Variants in PLXNB1 observed in about 807,000 individuals in gnomAD.
PLXNB1 encodes plexin B1.
Under a neutral mutation model 209.4 loss-of-function variants are expected in PLXNB1, and 106 were observed. The observed-to-expected ratio is 0.51, with a 90% CI of 0.43 to 0.59. The LOEUF is 0.59. Ranked by LOEUF, PLXNB1 falls within the 20% of genes least tolerant of loss-of-function variation. PLXNB1 has a pLI of 0.00. For synonymous variants in PLXNB1, 1,167 were observed against 1,183.2 expected (o/e 0.99, Z 0.28); for missense variants, 2,357 against 2,853.2 (o/e 0.83, Z 3.96).
chr3:48,424,413 T>C lies in PLXNB1; in HGVS notation c.199A>G (p.Thr67Ala), dbSNP rs1313077440. Residue 67 changes from threonine (T) to alanine (A), a missense_variant, in exon 3 of 38, where the codon ACA (threonine) becomes GCA (alanine). Coordinates refer to ENST00000296440, the MANE Select transcript of PLXNB1 (RefSeq NM_001130082.3). Reference sequence around the variant, plus strand: ...TCTAGCACAGGGCCGGTGGACACTGTGGCCTCCAGCTGCAGCCCAGGGCTC... The same window carrying C: ...TCTAGCACAGGGCCGGTGGACACTGCGGCCTCCAGCTGCAGCCCAGGGCTC... Reference protein sequence around the residue: ...QLSPGLQLEATVSTGPVLDSR... With the variant: ...QLSPGLQLEAAVSTGPVLDSR... The C allele has an allele frequency of 6.4e-7, 1 of 1,566,884 alleles. No individual in the cohort carries two copies. Among genetic ancestry groups the C allele is most frequent in the South Asian group, 1.2e-5 (1 of 85,390 alleles).
chr3:48,428,541 T>C (rs550532467), intron 1 of PLXNB1, among the ~76,000 whole-genome samples: 3 of 152,198 alleles, frequency 2.0e-5, no homozygotes, highest in African/African-American at 7.2e-5. Flanking sequence ...ACCCCGCCAT[T>C]CCGCACCTGC....
intron 10 of PLXNB1, 61 bp from the exon 11 acceptor site, chr3:48,420,318 G>A: frequency 5.4e-6 from 5 of 922,522 alleles, no homozygotes; most frequent in Non-Finnish European, 8.3e-6. Flanking sequence ...CGGGACAGGA[G>A]GCAGGCAGGC....
Position 48,423,950 on chromosome 3 carries a change from G to A in PLXNB1, c.662C>T (p.Ala221Val), listed in dbSNP as rs1197721623. The A allele has an allele frequency of 4.3e-6, 7 of 1,613,950 alleles. No individual in the cohort carries two copies. Among genetic ancestry groups the A allele is most frequent in the East Asian group, 4.5e-5 (2 of 44,892 alleles). Residue 221 changes from alanine to valine, a missense_variant, in exon 3 of 38, where the codon GCC becomes GTC. Physicochemically the swap from Ala to Val is moderately conservative, Grantham distance 64. This residue lies in a region of PLXNB1 where 404 missense variants were observed against 443.6 expected (regional missense o/e 0.91). Coordinates refer to ENST00000296440, the MANE Select transcript of PLXNB1 (RefSeq NM_001130082.3). ...LSEYSHHFVSAFARGASAYFL... is the reference protein window; with the variant it reads ...LSEYSHHFVSVFARGASAYFL... ...GTAGGCGCTGGCCCCACGTGCAAAG[G>A]CACTCACGAAGTGGTGGCTGTACTC...
chr3:48,410,574 A>T lies in PLXNB1; in HGVS notation c.5417-16T>A, dbSNP rs1239200206. ...GACCGCCACTCTGCAAGGGCAAGGC[A>T]GAACTGGGTGCAGGGCTGGAAGATA... is the stretch of plus-strand genomic sequence containing the variant. On this transcript the variant is annotated splice_polypyrimidine_tract_variant and intron_variant, in intron 29 of 37. Coordinates refer to ENST00000296440, the MANE Select transcript of PLXNB1 (RefSeq NM_001130082.3). The surrounding 1 kb of genome is among the most constrained non-coding windows in gnomAD (Gnocchi z 6.4). The T allele has an allele frequency of 1.2e-6, 2 of 1,602,498 alleles. No individual in the cohort carries two copies. The highest frequency in any genetic ancestry group is 1.7e-6 in the Non-Finnish European group (2 of 1,170,304).
In PLXNB1 at chr3:48,421,265, TG is replaced by T; in HGVS notation, c.1772del (p.Pro591GlnfsTer18). 1 of 1,612,972 alleles carries T rather than the reference TG, an allele frequency of 6.2e-7. No individual in the cohort carries two copies. The highest frequency in any genetic ancestry group is 8.5e-7 in the Non-Finnish European group (1 of 1,179,498). ...LTGSGVMCPS[P>X]DPSEAPVLPR... ...GCAGCACTGGGGCCTCACTAGGGTC[TG>T]GGGAGGGGCACATCACACCAGAACC... On this transcript the variant is annotated frameshift_variant, in exon 8 of 38. Transcript: ENST00000296440. LOFTEE classifies it high-confidence loss of function.
intron 21 of PLXNB1, 141 bp downstream of exon 21, chr3:48,414,658 C>T (rs1048705846): frequency 1.1e-5 from 12 of 1,132,232 alleles, no homozygotes; most frequent in East Asian, 4.8e-5. Context: ...GCCCCCTCTG[C>T]CCCCACCACA....
In PLXNB1 at chr3:48,414,791, A is replaced by G. The variant is rs773215738; in HGVS notation, c.4209+8T>C. ...CGGGGCCCTGCCAGGTCCAAGTAGG[A>G]GCTGTACCTCCACGGAGAACACACT... On this transcript the variant is annotated splice_region_variant and intron_variant, in intron 21 of 37. Coordinates refer to ENST00000296440, the MANE Select transcript of PLXNB1 (RefSeq NM_001130082.3). The G allele has an allele frequency of 1.2e-6, 2 of 1,611,870 alleles. No homozygotes were observed. Among genetic ancestry groups the G allele is most frequent in the South Asian group, 2.2e-5 (2 of 91,020 alleles).
chr3:48,411,938 G>A lies in PLXNB1; in HGVS notation c.5172C>T (p.Asp1724=). The A allele has an allele frequency of 6.2e-7, 1 of 1,614,102 alleles. No homozygotes were observed. The highest frequency in any genetic ancestry group is 8.5e-7 in the Non-Finnish European group (1 of 1,179,974). ...IKHQVDKGPV[D]SVTGKAKYTL... Reference sequence around the variant, plus strand: ...TGTATTTGGCCTTGCCTGTCACACTGTCCACTGGCCCCTTATCCACTTGGT... The same window carrying A: ...TGTATTTGGCCTTGCCTGTCACACTATCCACTGGCCCCTTATCCACTTGGT... The change falls in exon 28 of 38, where the codon GAC becomes GAT. Residue 1724 remains aspartate (D), a synonymous_variant. Coordinates refer to ENST00000296440, the MANE Select transcript of PLXNB1 (RefSeq NM_001130082.3). The surrounding 1 kb of genome is among the most constrained non-coding windows in gnomAD (Gnocchi z 4.0).
At position 48,405,402 on chromosome 3, in the gene PLXNB1, C is replaced by A. The variant is rs955947253; in HGVS notation, c.6303+322G>T. On this transcript the variant is annotated intron_variant, in intron 37 of 37. Coordinates refer to ENST00000296440, the MANE Select transcript of PLXNB1 (RefSeq NM_001130082.3). The surrounding 1 kb of genome is among the most constrained non-coding windows in gnomAD (Gnocchi z 5.0). ...AGCCAGGCCTGCACTTGCATGTTGG[C>A]CGTGCCCAACATGCTGCCAACTCAG... is the stretch of plus-strand genomic sequence containing the variant. Among the ~76,000 whole-genome samples the A allele has an allele frequency of 3.3e-5, 5 of 152,160 alleles. No homozygotes were observed. Among genetic ancestry groups the A allele is most frequent in the Non-Finnish European group, 5.9e-5 (4 of 68,020 alleles).
rs2037322680 is a variant in PLXNB1, at chr3:48,406,500, G to C, written c.6228+323C>G. ...GTGAAGGGGACACCTGTGCCACCAA[G>C]GGAAGCACAGCAGTGGGAAGACGCA... On this transcript the variant is annotated intron_variant, in intron 36 of 37. Coordinates refer to ENST00000296440, the MANE Select transcript of PLXNB1 (RefSeq NM_001130082.3). The surrounding 1 kb of genome is among the most constrained non-coding windows in gnomAD (Gnocchi z 4.4). 1 of 844,388 alleles carries C rather than the reference G, an allele frequency of 1.2e-6. No homozygotes were observed. Among genetic ancestry groups the C allele is most frequent in the East Asian group, 1.2e-4 (1 of 8,128 alleles). The allele number at this position is 844,388 out of a possible 1,614,324, so 52.3% of individuals were successfully genotyped here. A position where few individuals can be genotyped will look rare whatever the true frequency, so the allele number is the denominator to read the frequency against.
At position 48,412,729 on chromosome 3, in the gene PLXNB1, C is replaced by T. The variant is rs774844881; in HGVS notation, c.4854+13G>A. The T allele has an allele frequency of 1.9e-6, 3 of 1,610,722 alleles. No homozygotes were observed. Among genetic ancestry groups the T allele is most frequent in the East Asian group, 4.5e-5 (2 of 44,818 alleles). On this transcript the variant is annotated intron_variant, in intron 25 of 37. Transcript: ENST00000296440. ...GGGCCAGGGGCAGGCCAGGAAGATG[C>T]AGCTGGGGGTACCTTGGTGAGGAAG...
At chr3:48,426,029 G>A (rs756810133) in intron 1 of PLXNB1, among the ~76,000 whole-genome samples, 6 of 151,894 alleles carry the variant, frequency 4.0e-5, no homozygotes, top group Admixed American at 2.6e-4. Flanking sequence ...ACATACACAC[G>A]CACACTCAGG....
At chr3:48,427,857 C>T (rs2038975424) in intron 1 of PLXNB1, among the ~76,000 whole-genome samples, 1 of 152,232 alleles carries the variant, frequency 6.6e-6, no homozygotes, top group Admixed American at 6.5e-5. Flanking sequence ...CTAGCCACCA[C>T]CCTGACAGGC....
Position 48,413,217 on chromosome 3 carries a change from G to A in PLXNB1, c.4536-48C>T, listed in dbSNP as rs770616308. The A allele has an allele frequency of 6.9e-5, 98 of 1,424,146 alleles. No individual in the cohort carries two copies. Among genetic ancestry groups the A allele is most frequent in the East Asian group, 5.9e-4 (26 of 44,018 alleles). The allele number at this position is 1,424,146 out of a possible 1,614,324, so 88.2% of individuals were successfully genotyped here. A position where few individuals can be genotyped will look rare whatever the true frequency, so the allele number is the denominator to read the frequency against. On this transcript the variant is annotated intron_variant, in intron 23 of 37. Transcript: ENST00000296440. The surrounding 1 kb of genome is among the most constrained non-coding windows in gnomAD (Gnocchi z 5.4). ...GAGGATGGCCAGATGAGTCCTACTC[G>A]CCCAGGCCTGCCTGACAATCCCCAG... is the stretch of plus-strand genomic sequence containing the variant.
intron 1 of PLXNB1, among the ~76,000 whole-genome samples, chr3:48,425,805 A>AACACAC (rs1166591503): frequency 2.4e-3 from 353 of 145,470 alleles, no homozygotes; most frequent in African/African-American, 4.8e-3. Flanking sequence ...ATATGCCTAC[A>AACACAC]ACACACACAC....
chr3:48,418,161 G>A lies in PLXNB1; in HGVS notation c.3222+30C>T, dbSNP rs1197290939. 1 of 1,611,228 alleles carries A rather than the reference G, an allele frequency of 6.2e-7. No homozygotes were observed. The highest frequency in any genetic ancestry group is 8.5e-7 in the Non-Finnish European group (1 of 1,179,022). ...ACACCCTCCCTCTAAGGGCAGCACT[G>A]AGGAAGGGATGGCCAGCCTTTCAAC... On this transcript the variant is annotated intron_variant, in intron 15 of 37. Coordinates refer to ENST00000296440, the MANE Select transcript of PLXNB1 (RefSeq NM_001130082.3). This position sits in a 1 kb window ranked among gnomAD's most constrained non-coding sequence, Gnocchi z 6.6.
chr3:48,409,229 A>G lies in PLXNB1; in HGVS notation c.6087+100T>C. The G allele has an allele frequency of 7.1e-7, 1 of 1,418,354 alleles. No individual in the cohort carries two copies. The allele number at this position is 1,418,354 out of a possible 1,614,324, so 87.9% of individuals were successfully genotyped here. ...GCTTGGGAGGTCAGAGGTCTCCCCT[A>G]AGCCCTCCTTGAAGTTCTCAGAAAA... On this transcript the variant is annotated intron_variant, in intron 34 of 37. Coordinates refer to ENST00000296440, the MANE Select transcript of PLXNB1 (RefSeq NM_001130082.3). This position sits in a 1 kb window ranked among gnomAD's most constrained non-coding sequence, Gnocchi z 5.8.
Position 48,420,096 on chromosome 3 carries a change from A to T in PLXNB1, c.2190T>A (p.Pro730=), listed in dbSNP as rs747355220. The T allele has an allele frequency of 1.5e-5, 24 of 1,613,080 alleles. No homozygotes were observed. The South Asian group carries it at 2.5e-4, about 17-fold the overall frequency. The change falls in exon 11 of 38, where the codon CCT becomes CCA. Residue 730 remains proline, a synonymous_variant. Transcript: ENST00000296440. Reference sequence around the variant, plus strand: ...ATGGCCCCCAGGGGCTGAGCAGGGAAGGACTAGCCCCAGGTGAGATGTCCG... The same window carrying T: ...ATGGCCCCCAGGGGCTGAGCAGGGATGGACTAGCCCCAGGTGAGATGTCCG... ...TASDISPGAS[P]SLLSPWGPWA... is the part of the protein sequence containing the mutation.
chr3:48,413,722 C>A lies in PLXNB1; in HGVS notation c.4483G>T (p.Val1495Leu). Residue 1495 changes from valine (V) to leucine (L), a missense_variant, in exon 23 of 38, where the codon GTG becomes TTG. Physicochemically the swap from Val to Leu is conservative, Grantham distance 32. Transcript: ENST00000296440. This position sits in a 1 kb window ranked among gnomAD's most constrained non-coding sequence, Gnocchi z 5.4. ...FPVAAQVGLG[V>L]GTSLLALGVI... ...CCCAGAGCCAGAAGAGAGGTGCCCA[C>A]CCCCAAGCCCACCTGGGCTGCCACA... The A allele has an allele frequency of 6.2e-7, 1 of 1,613,692 alleles. No individual in the cohort carries two copies.
Sources: allele counts gnomAD v4.1 joint callset (sites outside exome capture counted in the v4.1 genomes callset), GRCh38; gene constraint gnomAD v4.1.1; regional missense constraint gnomAD v4.1.1; non-coding constraint Gnocchi (gnomAD v3.1); transcripts MANE v1.5; gene names NCBI Gene and HGNC (gene_info 2026-07-23, HGNC 2026-07-21).